The following SACS variants were observed in gnomAD, a reference collection of about 807,000 sequenced individuals.
SACS encodes sacsin molecular chaperone, also known as sacsin.
In SACS, 197 loss-of-function variants were observed where a neutral mutation model predicts 348.0. The observed-to-expected ratio is 0.57, with a 90% CI of 0.50 to 0.64. The LOEUF (loss-of-function observed/expected upper bound fraction) is 0.64. Ranked by LOEUF, SACS falls within the 30% of genes least tolerant of loss-of-function variation. SACS has a pLI of 0.00. For missense variants in SACS, 4,999 were observed against 5,360.8 expected (o/e 0.93, Z 2.11); for synonymous variants, 1,985 against 1,910.6 (o/e 1.04, Z -1.02).
chr13:23,331,256 A>G lies in SACS; in HGVS notation c.12620T>C (p.Val4207Ala), dbSNP rs1466087647. 7.4e-6 allele frequency: 12 copies of G among 1,613,886 alleles called. No individual in the cohort carries two copies. The highest frequency in any genetic ancestry group is 1.0e-5 in the Non-Finnish European group (12 of 1,179,886). ...YQPTYTYAII[V>A]QEVEREDADN... ...AGCATCTTCTCTTTCAACTTCTTGT[A>G]CAATAATTGCATATGTGTATGTTGG... Residue 4207 changes from valine to alanine, a missense_variant, in exon 10 of 10, where the codon GTA becomes GCA. By Grantham distance (64) the Val-to-Ala change is moderately conservative. This residue lies in a region of SACS where 831 missense variants were observed against 941.8 expected (regional missense o/e 0.88). Coordinates refer to ENST00000382292, the MANE Select transcript of SACS (RefSeq NM_014363.6).
At position 23,355,620 on chromosome 13, in the gene SACS, A is replaced by G. The variant is rs1038315204; in HGVS notation, c.992T>C (p.Phe331Ser). Reference sequence around the variant, plus strand: ...CTTACTCTCACTCGAAGTCACTCTAAACACCAGTTTCTCTGTTCCGTCAGC... The same window carrying G: ...CTTACTCTCACTCGAAGTCACTCTAGACACCAGTTTCTCTGTTCCGTCAGC... ...READGTEKLV[F>S]RVTSSESKAL... is the part of the protein sequence containing the mutation. Residue 331 changes from phenylalanine to serine, a missense_variant, in exon 8 of 10, where the codon TTT becomes TCT. Transcript: ENST00000382292. The G allele has an allele frequency of 1.9e-6, 3 of 1,613,992 alleles. No homozygotes were observed. The highest frequency in any genetic ancestry group is 1.3e-5 in the African/African-American group (1 of 74,870).
intron 9 of SACS, among the ~76,000 whole-genome samples, chr13:23,342,806 T>A (rs547947488): frequency 5.9e-4 from 90 of 152,326 alleles, no homozygotes; most frequent in African/African-American, 2.2e-3. Context: ...GAGGCAGCAA[T>A]GAGACTTACA....
rs760350662 is a variant in SACS at position 23,337,877 on chromosome 13, T to C, written c.5999A>G (p.Lys2000Arg). The change falls in exon 10 of 10, where the codon AAA becomes AGA. Residue 2000 changes from lysine (K) to arginine (R), a missense_variant. Physicochemically the swap from Lys to Arg is conservative, Grantham distance 26. Coordinates refer to ENST00000382292, the MANE Select transcript of SACS (RefSeq NM_014363.6). ...GGCTGCTGAACCAACATCTCTTCTT[T>C]TAAGTATAGAGTCATCTAGAAATCT... ...NVRFLDDSIL[K>R]RRDVGSAAFK... The C allele has an allele frequency of 1.9e-6, 3 of 1,613,928 alleles. No homozygotes were observed. In the Admixed American group the frequency reaches 5.0e-5, roughly 27 times the overall value.
chr13:23,425,009 T>C (rs1341534140), intron 1 of SACS, among the ~76,000 whole-genome samples: 2 of 152,256 alleles, frequency 1.3e-5, no homozygotes, highest in South Asian at 4.1e-4. Context: ...TGTTGTTTCA[T>C]TGTATCCATC....
intron 1 of SACS, chr13:23,426,995 T>C (rs1874213602): frequency 6.6e-6 from 1 of 152,122 alleles, no homozygotes; most frequent in Admixed American, 6.6e-5. Flanking sequence ...ACCCTACCAT[T>C]TGGGGAGTAG....
In SACS at chr13:23,338,620, A is replaced by C; in HGVS notation, c.5256T>G (p.Asp1752Glu). 6.2e-7 allele frequency: 1 copy of C among 1,614,174 alleles called. No homozygotes were observed. Among genetic ancestry groups the C allele is most frequent in the Non-Finnish European group, 8.5e-7 (1 of 1,179,998 alleles). Residue 1752 changes from aspartate to glutamate, a missense_variant, in exon 10 of 10, where the codon GAT (aspartate) becomes GAG (glutamate). By Grantham distance (45) the Asp-to-Glu change is conservative. Around this residue, in one of 6 missense-constraint regions of SACS, gnomAD observed 3,156 missense variants for 3,380.1 expected, o/e 0.93. Coordinates refer to ENST00000382292, the MANE Select transcript of SACS (RefSeq NM_014363.6). ...GAAGAATGCAAGATGACTTTGGTTC[A>C]TCACTGGGAAGCTTTTTATTACTGC... Reference protein sequence around the residue: ...CSSSNKKLPSDEPKSSCILQI... With the variant: ...CSSSNKKLPSEEPKSSCILQI...
chr13:23,425,658 T>C (rs1158781295), intron 1 of SACS, among the ~76,000 whole-genome samples: 1 of 151,996 alleles, frequency 6.6e-6, no homozygotes, highest in African/African-American at 2.4e-5. Flanking sequence ...AATTCACCCT[T>C]CTGCACATGT....
At chr13:23,403,568 TCTGCA>T (rs1339099659) in intron 2 of SACS, among the ~76,000 whole-genome samples, 1 of 152,232 alleles carries the variant, frequency 6.6e-6, no homozygotes, top group African/African-American at 2.4e-5. Context: ...CTGATGGTAG[TCTGCA>T]TTTCTGTGGG....
chr13:23,360,163 A>T (rs1006036636), intron 6 of SACS, among the ~76,000 whole-genome samples: 1 of 152,210 alleles, frequency 6.6e-6, no homozygotes, highest in Admixed American at 6.5e-5. Flanking sequence ...GGGGCTCAGC[A>T]TAGAACCCAG....
chr13:23,385,913 T>G (rs1422522035), intron 2 of SACS, among the ~76,000 whole-genome samples: 2 of 152,226 alleles, frequency 1.3e-5, no homozygotes, highest in Non-Finnish European at 2.9e-5. Context: ...GGCGACCAGG[T>G]GCAATGTCAA....
In SACS at chr13:23,428,661, G is replaced by A. The variant is rs1377803331; in HGVS notation, c.-502+4954C>T. 7.9e-5 allele frequency: 12 copies of A among 152,222 alleles called. No homozygotes were observed. In the East Asian group the frequency reaches 9.6e-4, roughly 12 times the overall value. 9.4% of individuals were successfully genotyped at this position (152,222 alleles called of 1,614,324 possible). On this transcript the variant is annotated intron_variant, in intron 1 of 9. Transcript: ENST00000382292. ...TTTGTGTGTGTGTAATAAAGATTTC[G>A]ATGTAAAATGTACAACAGAAAAAAT... is the stretch of plus-strand genomic sequence containing the variant.
At chr13:23,368,329 G>A in intron 5 of SACS, 73 bp downstream of exon 5, 1 of 1,106,996 alleles carries the variant, frequency 9.0e-7, no homozygotes, top group Non-Finnish European at 1.3e-6. Flanking sequence ...AACACTAATA[G>A]GACTTTCAAG....
intron 6 of SACS, 127 bp from the exon 7 acceptor site, chr13:23,358,608 G>T: frequency 1.1e-6 from 1 of 911,564 alleles, no homozygotes. Flanking sequence ...TAGAGTGACT[G>T]AATTCCACAC....
In SACS at chr13:23,355,876, G is replaced by C. The variant is rs886050089; in HGVS notation, c.736C>G (p.Gln246Glu). The C allele has an allele frequency of 3.7e-6, 6 of 1,614,152 alleles. No individual in the cohort carries two copies. The highest frequency in any genetic ancestry group is 5.1e-6 in the Non-Finnish European group (6 of 1,180,020). The part of the protein sequence containing the change: ...DSKEISELSD[Q>E]FAPFVGIFGS... Reference sequence around the variant, plus strand: ...AAAATGCCAACAAATGGTGCAAACTGGTCTGAAAGTTCACTAATTTCTTTG... The same window carrying C: ...AAAATGCCAACAAATGGTGCAAACTCGTCTGAAAGTTCACTAATTTCTTTG... The change falls in exon 8 of 10, where the codon CAG (glutamine) becomes GAG (glutamate). Residue 246 changes from glutamine to glutamate, a missense_variant. Transcript: ENST00000382292.
chr13:23,421,759 G>A (rs1017529302), intron 1 of SACS, among the ~76,000 whole-genome samples: 3 of 151,980 alleles, frequency 2.0e-5, no homozygotes, highest in African/African-American at 4.8e-5. Flanking sequence ...TTGCCCTGGG[G>A]TCAGGGTATC....
At chr13:23,358,049 T>A (rs1870504199) in intron 7 of SACS, among the ~76,000 whole-genome samples, 1 of 152,224 alleles carries the variant, frequency 6.6e-6, no homozygotes, top group African/African-American at 2.4e-5. Flanking sequence ...GTTCAAAAGC[T>A]GTATTTCCAC....
rs1464666191 is a variant in SACS at position 23,336,950 on chromosome 13, G to T, written c.6926C>A (p.Thr2309Lys). The T allele has an allele frequency of 1.9e-6, 3 of 1,613,792 alleles. No homozygotes were observed. The Admixed American group carries it at 5.0e-5, about 27-fold the overall frequency. The change falls in exon 10 of 10, where the codon ACA (threonine) becomes AAA (lysine). Residue 2309 changes from threonine to lysine, a missense_variant. By Grantham distance (78) the Thr-to-Lys change is moderately conservative. This residue lies in a region of SACS where 3,156 missense variants were observed against 3,380.1 expected (regional missense o/e 0.93). Transcript: ENST00000382292. ...ATTGGTGATATTCTCCTGGTACAGTGTAATTCCATCATCAACTGATTTTGC... is the reference window on the plus strand; with the variant it reads ...ATTGGTGATATTCTCCTGGTACAGTTTAATTCCATCATCAACTGATTTTGC... ...EVAKSVDDGITLYQENITNAC... is the reference protein window; with the variant it reads ...EVAKSVDDGIKLYQENITNAC...
intron 1 of SACS, chr13:23,427,636 G>T (rs2138017187): frequency 6.6e-6 from 1 of 152,380 alleles, no homozygotes; most frequent in African/African-American, 2.4e-5. Flanking sequence ...CATAACTATT[G>T]TATAAATAAT....
Position 23,340,920 on chromosome 13 carries a change from A to G in SACS, c.2956T>C (p.Leu986=). The G allele has an allele frequency of 1.2e-6, 2 of 1,613,950 alleles. No homozygotes were observed. Among genetic ancestry groups the G allele is most frequent in the Non-Finnish European group, 1.7e-6 (2 of 1,179,822 alleles). Residue 986 remains leucine (L), a synonymous_variant, in exon 10 of 10, where the codon TTA becomes CTA. Coordinates refer to ENST00000382292, the MANE Select transcript of SACS (RefSeq NM_014363.6). ...AGCTTTAAGCAGCTAGTGGTCTTTA[A>G]CTGTTCTATTTTCAACATGTTTGCC... ...RLANMLKIEQ[L]KTTSCLKLVL...
Sources: gnomAD v4.1 joint callset for allele counts (sites outside exome capture counted in the v4.1 genomes callset) on GRCh38, gnomAD v4.1.1 for gene constraint, gnomAD v4.1.1 regional missense constraint, MANE v1.5 for transcripts, NCBI Gene and HGNC (gene_info 2026-07-23, HGNC 2026-07-21) for gene names.